The following SUGCT variants were observed in gnomAD, a reference collection of about 807,000 sequenced individuals.
SUGCT encodes succinyl-CoA:glutarate-CoA transferase.
SUGCT carries 41 observed loss-of-function variants against 55.0 expected under a neutral mutation model. The ratio of observed to expected loss-of-function variants is 0.74; its 90% CI spans 0.58 to 0.97. SUGCT has a LOEUF of 0.97. SUGCT is among the 50% of genes least tolerant of loss of function. The pLI is 0.00. For synonymous variants in SUGCT, 187 were observed against 200.4 expected, an observed-to-expected ratio of 0.93 and a Z score of 0.56; for missense variants, 568 against 547.8, an observed-to-expected ratio of 1.04 and a Z score of -0.37.
At chr7:40,443,007 G>T (rs182145309) in intron 9 of SUGCT, among the ~76,000 whole-genome samples, 1 of 152,162 alleles carries the variant, frequency 6.6e-6, no homozygotes, top group African/African-American at 2.4e-5. Flanking sequence ...TTTGCTCAGA[G>T]TGATGGTTTC....
intron 6 of SUGCT, among the ~76,000 whole-genome samples, chr7:40,228,478 T>C (rs1370437837): frequency 6.6e-5 from 10 of 152,158 alleles, no homozygotes; most frequent in Admixed American, 3.9e-4. Context: ...AACTGATCTA[T>C]AACTTGTTCA....
intron 9 of SUGCT, among the ~76,000 whole-genome samples, chr7:40,370,153 C>G (rs1784219825): frequency 6.6e-6 from 1 of 152,146 alleles, no homozygotes; most frequent in South Asian, 2.1e-4. Flanking sequence ...ACTGGCAATC[C>G]ATGACCGAAG....
the SUGCT span, among the ~76,000 whole-genome samples, chr7:40,948,815 T>C: frequency 6.6e-6 from 1 of 152,208 alleles, no homozygotes; most frequent in Non-Finnish European, 1.5e-5. Flanking sequence ...TAGTATTCCA[T>C]GGTGTATATG....
intron 9 of SUGCT, among the ~76,000 whole-genome samples, chr7:40,378,534 A>G (rs1440941213): frequency 6.6e-6 from 1 of 152,148 alleles, no homozygotes; most frequent in East Asian, 1.9e-4. Context: ...GTGCAGTGGC[A>G]CTGTCCCAGC....
In SUGCT at chr7:40,421,717, T is replaced by C. The variant is rs76213932; in HGVS notation, c.817-27570T>C. Among the ~76,000 whole-genome samples the C allele has an allele frequency of 4.1e-4, 63 of 152,106 alleles. 1 individual carries two copies. The highest frequency in any genetic ancestry group is 7.6e-4 in the Non-Finnish European group (52 of 68,020). The stretch of plus-strand genomic sequence containing the variant: ...GAGAGTGTATGATGCCATGACTGCT[T>C]ACCAGTGGGAGATGGGACCTAACTA... On this transcript the variant is annotated intron_variant, in intron 9 of 13. Coordinates refer to ENST00000335693, the MANE Select transcript of SUGCT (RefSeq NM_001193313.2).
chr7:40,713,739 TTGTC>T (rs1446392524), intron 12 of SUGCT, among the ~76,000 whole-genome samples: 2 of 152,142 alleles, frequency 1.3e-5, no homozygotes. Flanking sequence ...ATTTGAGTGT[TTGTC>T]TGGGAATTAT....
At position 40,288,298 on chromosome 7, in the gene SUGCT, A is replaced by G. The variant is rs183505722; in HGVS notation, c.720+13642A>G. ...AGAATTCATCATTGAAGCTTAAAAA[A>G]AAAAGAAAACAAAGCCTGGGTTGTT... On this transcript the variant is annotated intron_variant, in intron 8 of 13. Transcript: ENST00000335693. Among the ~76,000 whole-genome samples, 14 of 152,228 alleles carry G rather than the reference A, an allele frequency of 9.2e-5. No individual in the cohort carries two copies. In the East Asian group the frequency reaches 2.5e-3, roughly 27 times the overall value.
chr7:40,285,948 A>ATTTACT (rs1793307883), intron 8 of SUGCT, among the ~76,000 whole-genome samples: 1 of 152,178 alleles, frequency 6.6e-6, no homozygotes, highest in South Asian at 2.1e-4. Flanking sequence ...AAATGCTTTA[A>ATTTACT]TTTACTTTTC....
chr7:41,004,405 A>G, the SUGCT span, among the ~76,000 whole-genome samples: 1 of 152,178 alleles, frequency 6.6e-6, no homozygotes, highest in Admixed American at 6.5e-5. Context: ...GTTATTTGCT[A>G]TTTTTTGAGC....
chr7:40,674,282 A>G (rs920954174), intron 12 of SUGCT, among the ~76,000 whole-genome samples: 1 of 152,204 alleles, frequency 6.6e-6, no homozygotes, highest in African/African-American at 2.4e-5. Context: ...CAAGCTCCCT[A>G]TTGCAGTTTA....
chr7:40,362,352 G>T (rs1029122279), intron 9 of SUGCT, among the ~76,000 whole-genome samples: 1 of 152,178 alleles, frequency 6.6e-6, no homozygotes, highest in South Asian at 2.1e-4. Flanking sequence ...CCAGGAGGCA[G>T]AAGTTGCAGT....
intron 2 of SUGCT, 88 bp from the exon 3 acceptor site, chr7:40,181,867 G>A (rs189753592): frequency 1.3e-4 from 103 of 787,190 alleles, no homozygotes; most frequent in African/African-American, 1.3e-3. Context: ...TTATATGAGC[G>A]TGTCTGTGTT....
chr7:40,885,974 G>A, the SUGCT span, among the ~76,000 whole-genome samples: 2 of 152,042 alleles, frequency 1.3e-5, no homozygotes, highest in Non-Finnish European at 2.9e-5. Flanking sequence ...CCTTTCCCCC[G>A]ACTTTTAAGA....
intron 9 of SUGCT, among the ~76,000 whole-genome samples, chr7:40,317,476 C>T (rs900466354): frequency 6.6e-6 from 1 of 152,154 alleles, no homozygotes; most frequent in Non-Finnish European, 1.5e-5. Context: ...TCCAGTTGCA[C>T]TGTATGTTGT....
chr7:40,417,112 T>C (rs1787046165), intron 9 of SUGCT, among the ~76,000 whole-genome samples: 1 of 152,000 alleles, frequency 6.6e-6, no homozygotes, highest in African/African-American at 2.4e-5. Context: ...TCTGCTCGCC[T>C]TTCTTATTAT....
intron 9 of SUGCT, among the ~76,000 whole-genome samples, chr7:40,360,020 G>A (rs960085790): frequency 6.6e-6 from 1 of 151,962 alleles, no homozygotes; most frequent in African/African-American, 2.4e-5. Context: ...GTGTGTGCAA[G>A]ATTTTATTTT....
chr7:40,768,019 A>T (rs1271124978), intron 13 of SUGCT, among the ~76,000 whole-genome samples: 1 of 152,218 alleles, frequency 6.6e-6, no homozygotes, highest in Non-Finnish European at 1.5e-5. Flanking sequence ...GCGTCTGAAG[A>T]CATAGTGAGG....
the SUGCT span, among the ~76,000 whole-genome samples, chr7:41,004,463 G>A: frequency 0.021 from 3,220 of 152,286 alleles, 107 homozygotes; most frequent in African/African-American, 0.073. Context: ...GACCCAGCAC[G>A]AAAATTTCAA....
rs151103914 is a variant in SUGCT at position 40,251,159 on chromosome 7, A to G, written c.576+13433A>G. Among the ~76,000 whole-genome samples, 212 of 152,044 alleles carry G rather than the reference A, an allele frequency of 1.4e-3. 3 individuals carry two copies. The highest frequency in any genetic ancestry group is 4.8e-3 in the African/African-American group (199 of 41,470). ...TCATGCTTCTTTAACTATTACCTACATGTTCCATCATGTATTGATTTCATG... is the reference window on the plus strand; with the variant it reads ...TCATGCTTCTTTAACTATTACCTACGTGTTCCATCATGTATTGATTTCATG... On this transcript the variant is annotated intron_variant, in intron 7 of 13. Coordinates refer to ENST00000335693, the MANE Select transcript of SUGCT (RefSeq NM_001193313.2).
Sources: allele counts gnomAD v4.1 joint callset (sites outside exome capture counted in the v4.1 genomes callset), GRCh38; gene constraint gnomAD v4.1.1; transcripts MANE v1.5; gene names NCBI Gene and HGNC (gene_info 2026-07-23, HGNC 2026-07-21).